Variants in UNC13C observed in about 807,000 individuals in gnomAD.
The protein encoded by UNC13C is unc-13 homolog C.
A neutral mutation model predicts 245.4 loss-of-function variants in UNC13C; 174 were observed. That is an observed-to-expected ratio of 0.71 (90% CI 0.63 to 0.80). UNC13C has a LOEUF of 0.80. Ranked by LOEUF, UNC13C falls within the 30% of genes least tolerant of loss-of-function variation. The probability of loss-of-function intolerance (pLI) is 0.00; values close to 1 mark genes in which losing one functional copy is unlikely to be tolerated. For synonymous variants in UNC13C, 992 were observed against 895.1 expected (o/e 1.11, Z -1.93); for missense variants, 2,829 against 2,602.9 (o/e 1.09, Z -1.89).
At chr15:54,125,243 C>T (rs1372270996) in intron 2 of UNC13C, among the ~76,000 whole-genome samples, 2 of 152,094 alleles carry the variant, frequency 1.3e-5, no homozygotes, top group Non-Finnish European at 2.9e-5. Context: ...GCAGGTGGAT[C>T]GTGAGGTCAG....
intron 23 of UNC13C, among the ~76,000 whole-genome samples, chr15:54,508,566 C>T (rs879662883): frequency 6.6e-6 from 1 of 152,096 alleles, no homozygotes; most frequent in Non-Finnish European, 1.5e-5. Flanking sequence ...AAAGGAACTT[C>T]CTTTTCCTTC....
intron 19 of UNC13C, among the ~76,000 whole-genome samples, chr15:54,436,157 A>C (rs1434062589): frequency 6.6e-6 from 1 of 152,066 alleles, no homozygotes; most frequent in Non-Finnish European, 1.5e-5. Flanking sequence ...TAGTTCAACT[A>C]TTATGGAAGA....
At chr15:54,229,951 G>GT (rs544158738) in intron 4 of UNC13C, among the ~76,000 whole-genome samples, 2,743 of 150,810 alleles carry the variant, frequency 0.018, 46 homozygotes, top group Non-Finnish European at 0.028. Flanking sequence ...AAATTGTAGG[G>GT]TTTTTTTTTA....
At chr15:54,559,191 C>T (rs1897203204) in intron 29 of UNC13C, among the ~76,000 whole-genome samples, 1 of 152,026 alleles carries the variant, frequency 6.6e-6, no homozygotes. Context: ...AGGAATTTAA[C>T]TATAAATTCA....
Position 54,627,224 on chromosome 15 carries a change from GTACGATGTCTACAAGGTA to G in UNC13C, c.*113_*130del. 1 of 1,124,070 alleles carries G rather than the reference GTACGATGTCTACAAGGTA, an allele frequency of 8.9e-7. No individual in the cohort carries two copies. Among genetic ancestry groups the G allele is most frequent in the Non-Finnish European group, 1.2e-6 (1 of 811,980 alleles). 69.6% of individuals were successfully genotyped at this position (1,124,070 alleles called of 1,614,324 possible). A position where few individuals can be genotyped will look rare whatever the true frequency, so the allele number is the denominator to read the frequency against. ...CATTTCAATGTTTGCCAGTACTCATGTACGATGTCTACAAGGTATGTAAAAAACCTGCTGAACTTTTAT... is the reference window on the plus strand; with the variant it reads ...CATTTCAATGTTTGCCAGTACTCATGTGTAAAAAACCTGCTGAACTTTTAT... On this transcript the variant is annotated 3_prime_UTR_variant, in exon 33 of 33. Coordinates refer to ENST00000260323, the MANE Select transcript of UNC13C (RefSeq NM_001080534.3).
chr15:54,186,309 G>T (rs1595969876), intron 4 of UNC13C, among the ~76,000 whole-genome samples: 2 of 152,106 alleles, frequency 1.3e-5, no homozygotes, highest in Non-Finnish European at 2.9e-5. Context: ...ACACTATGTT[G>T]AATAGGAGTG....
At chr15:54,538,694 G>A (rs531428452) in intron 26 of UNC13C, among the ~76,000 whole-genome samples, 2 of 151,846 alleles carry the variant, frequency 1.3e-5, no homozygotes, top group Non-Finnish European at 2.9e-5. Context: ...TGACCTCTGC[G>A]GCAACATGGA....
intron 4 of UNC13C, among the ~76,000 whole-genome samples, chr15:54,218,550 A>T (rs1019162702): frequency 6.6e-6 from 1 of 151,996 alleles, no homozygotes; most frequent in African/African-American, 2.4e-5. Context: ...GGATGGCTGG[A>T]ACAATGAAGC....
the UNC13C span, among the ~76,000 whole-genome samples, chr15:53,904,425 A>G: frequency 1.3e-5 from 2 of 152,188 alleles, no homozygotes; most frequent in Non-Finnish European, 2.9e-5. Context: ...TTCTATCTAT[A>G]TGCACTGCGC....
chr15:54,049,047 T>C (rs1042443449), intron 2 of UNC13C: 14 of 388,456 alleles, frequency 3.6e-5, no homozygotes, highest in East Asian at 2.2e-4. Flanking sequence ...AGAAGTGATA[T>C]AGATATCTCT....
At chr15:53,876,255 C>T in the UNC13C span, among the ~76,000 whole-genome samples, 40 of 152,272 alleles carry the variant, frequency 2.6e-4, 1 homozygote, top group Middle Eastern at 0.024. Context: ...CTCTGGTTTT[C>T]TAATTCAATG....
At chr15:54,521,450 T>C (rs1175617561) in intron 24 of UNC13C, among the ~76,000 whole-genome samples, 5 of 152,214 alleles carry the variant, frequency 3.3e-5, no homozygotes, top group African/African-American at 9.6e-5. Context: ...AGAGTTTATA[T>C]TGAGCTATCT....
chr15:54,465,723 C>T (rs1033448269), intron 19 of UNC13C, among the ~76,000 whole-genome samples: 4 of 151,816 alleles, frequency 2.6e-5, no homozygotes, highest in African/African-American at 7.3e-5. Flanking sequence ...GACAGATATT[C>T]GGCTAACAGG....
chr15:54,486,519 T>C (rs1212525844), intron 19 of UNC13C, among the ~76,000 whole-genome samples: 1 of 151,796 alleles, frequency 6.6e-6, no homozygotes, highest in African/African-American at 2.4e-5. Flanking sequence ...TCAATAAATA[T>C]ATGTTGTATA....
At chr15:54,340,651 A>G (rs906070808) in intron 17 of UNC13C, among the ~76,000 whole-genome samples, 4 of 152,202 alleles carry the variant, frequency 2.6e-5, no homozygotes, top group South Asian at 4.1e-4. Flanking sequence ...CTATATGCCT[A>G]TTTTTATACC....
chr15:54,010,782 G>A (rs1167465794), intron 1 of UNC13C, among the ~76,000 whole-genome samples: 4 of 152,052 alleles, frequency 2.6e-5, no homozygotes, highest in Non-Finnish European at 4.4e-5. Context: ...TCCTTACTAA[G>A]GCATTACTAT....
intron 17 of UNC13C, among the ~76,000 whole-genome samples, chr15:54,387,677 A>G (rs1291991859): frequency 6.6e-6 from 1 of 152,188 alleles, no homozygotes; most frequent in East Asian, 1.9e-4. Flanking sequence ...TGAATAGGTA[A>G]ACAATCAATT....
the UNC13C span, among the ~76,000 whole-genome samples, chr15:53,933,513 T>TA: frequency 6.6e-6 from 1 of 152,168 alleles, no homozygotes. Flanking sequence ...TGGGGGTGGA[T>TA]ACACCCCACT....
chr15:54,383,605 A>G (rs898596113), intron 17 of UNC13C, among the ~76,000 whole-genome samples: 3 of 152,158 alleles, frequency 2.0e-5, no homozygotes, highest in Non-Finnish European at 4.4e-5. Flanking sequence ...AAGAAATGAA[A>G]CAAATGGTGA....
Sources: gnomAD v4.1 joint callset for allele counts (sites outside exome capture counted in the v4.1 genomes callset) on GRCh38, gnomAD v4.1.1 for gene constraint, MANE v1.5 for transcripts, NCBI Gene and HGNC (gene_info 2026-07-23, HGNC 2026-07-21) for gene names.